The following CACNA2D3 variants were observed in gnomAD, a reference collection of about 807,000 sequenced individuals.
CACNA2D3 encodes the protein voltage-dependent calcium channel subunit alpha-2/delta-3.
Under a neutral mutation model 160.6 loss-of-function variants are expected in CACNA2D3, and 60 were observed. That is an observed-to-expected ratio of 0.37 (90% CI 0.30 to 0.46). The LOEUF (loss-of-function observed/expected upper bound fraction) is 0.46, where lower values mean the gene tolerates loss of function less well. Among genes scored for constraint, CACNA2D3 ranks in the 20% least tolerant of loss-of-function variants. The pLI, the probability that CACNA2D3 is intolerant of heterozygous loss-of-function variation, is 1.00. For missense variants in CACNA2D3, 1,205 were observed against 1,365.0 expected (o/e 0.88, Z 1.85); for synonymous variants, 558 against 492.9 (o/e 1.13, Z -1.75).
At chr3:54,425,848 T>C (rs1699904653) in intron 4 of CACNA2D3, among the ~76,000 whole-genome samples, 2 of 152,234 alleles carry the variant, frequency 1.3e-5, no homozygotes. Context: ...CTAAAGCTTT[T>C]GGAGGTCTGG....
At chr3:54,167,197 C>CA (rs1471157563) in intron 2 of CACNA2D3, among the ~76,000 whole-genome samples, 1 of 152,060 alleles carries the variant, frequency 6.6e-6, no homozygotes, top group African/African-American at 2.4e-5. Context: ...CTGTGTTCCC[C>CA]ACTAGGTCAT....
chr3:54,440,715 C>G (rs1700130934), intron 4 of CACNA2D3, among the ~76,000 whole-genome samples: 1 of 152,046 alleles, frequency 6.6e-6, no homozygotes, highest in Non-Finnish European at 1.5e-5. Flanking sequence ...CAATTCCCAC[C>G]TATGAGTGAG....
intron 17 of CACNA2D3, among the ~76,000 whole-genome samples, chr3:54,856,374 C>T (rs1488436387): frequency 6.6e-6 from 1 of 152,152 alleles, no homozygotes; most frequent in African/African-American, 2.4e-5. Flanking sequence ...TTGGGAGCAG[C>T]AGAAGGCCTT....
At chr3:55,031,003 T>TG (rs1366570315) in intron 35 of CACNA2D3, among the ~76,000 whole-genome samples, 1 of 152,158 alleles carries the variant, frequency 6.6e-6, no homozygotes, top group Non-Finnish European at 1.5e-5. Context: ...TCTTAATGTG[T>TG]GGGGAAGAGG....
chr3:54,277,947 T>C (rs1462310553), intron 2 of CACNA2D3, among the ~76,000 whole-genome samples: 1 of 152,004 alleles, frequency 6.6e-6, no homozygotes, highest in Non-Finnish European at 1.5e-5. Context: ...ATAGGAATGC[T>C]TAAAACACCA....
intron 17 of CACNA2D3, among the ~76,000 whole-genome samples, chr3:54,847,909 A>T (rs1278745920): frequency 4.6e-5 from 7 of 152,210 alleles, no homozygotes; most frequent in African/African-American, 7.2e-5. Context: ...TTTATTCCAA[A>T]TTGGAAAGGA....
At chr3:54,722,531 C>G (rs181155593) in intron 11 of CACNA2D3, among the ~76,000 whole-genome samples, 1 of 152,180 alleles carries the variant, frequency 6.6e-6, no homozygotes, top group Non-Finnish European at 1.5e-5. Flanking sequence ...GCTGGTTTCT[C>G]CCCATCTTTG....
chr3:54,699,107 G>A (rs540624003), intron 11 of CACNA2D3, among the ~76,000 whole-genome samples: 1 of 152,302 alleles, frequency 6.6e-6, no homozygotes, highest in East Asian at 1.9e-4. Flanking sequence ...GTCTTAAGAC[G>A]AAAATAAGAC....
intron 2 of CACNA2D3, among the ~76,000 whole-genome samples, chr3:54,319,982 A>G (rs182073596): frequency 9.6e-4 from 146 of 152,310 alleles, no homozygotes; most frequent in Middle Eastern, 3.4e-3. Context: ...CTGGCTTCAC[A>G]TAGACAACGC....
chr3:54,174,758 C>T (rs1700642892), intron 2 of CACNA2D3, among the ~76,000 whole-genome samples: 1 of 152,192 alleles, frequency 6.6e-6, no homozygotes, highest in Non-Finnish European at 1.5e-5. Flanking sequence ...ATCTCCTGAC[C>T]TTGTGATCCA....
intron 35 of CACNA2D3, among the ~76,000 whole-genome samples, chr3:55,021,647 G>GTATA (rs55811346): frequency 2.1e-5 from 3 of 140,960 alleles, no homozygotes; most frequent in Non-Finnish European, 3.0e-5. Context: ...ATATATATGT[G>GTATA]TATATATATA....
chr3:54,906,918 C>G (rs1700460358), intron 27 of CACNA2D3, among the ~76,000 whole-genome samples: 2 of 152,146 alleles, frequency 1.3e-5, no homozygotes, highest in South Asian at 4.2e-4. Context: ...ATTAGAGCAG[C>G]TGCTCTGCAT....
chr3:54,645,684 G>A (rs940511414), intron 11 of CACNA2D3, among the ~76,000 whole-genome samples: 5 of 152,136 alleles, frequency 3.3e-5, no homozygotes, highest in African/African-American at 9.7e-5. Flanking sequence ...AGGTTTGCCC[G>A]GAGCCTTCCC....
intron 4 of CACNA2D3, among the ~76,000 whole-genome samples, chr3:54,391,711 A>G (rs986790289): frequency 6.6e-6 from 1 of 152,026 alleles, no homozygotes; most frequent in Non-Finnish European, 1.5e-5. Flanking sequence ...GGGTTTCACC[A>G]TGTTGGTTAG....
intron 11 of CACNA2D3, among the ~76,000 whole-genome samples, chr3:54,735,604 G>A (rs1308052627): frequency 6.6e-6 from 1 of 152,082 alleles, no homozygotes; most frequent in East Asian, 1.9e-4. Flanking sequence ...ATGCCCATGA[G>A]CTCCTTTTAA....
chr3:55,073,485 A>ATGG lies in CACNA2D3; in HGVS notation c.3038_3040dup (p.Val1013dup). On this transcript the variant is annotated inframe_insertion, in exon 36 of 38. Transcript: ENST00000474759. ...GCAAATCCCAAGCAGCAACCTGTTC[A>ATGG]TGGTGGTGGTGGACAGCAGCTGCCT... is the stretch of plus-strand genomic sequence containing the variant. 6.2e-7 allele frequency: 1 copy of ATGG among 1,613,928 alleles called. No homozygotes were observed. The highest frequency in any genetic ancestry group is 8.5e-7 in the Non-Finnish European group (1 of 1,179,866).
At chr3:54,965,906 C>T (rs542464144) in intron 27 of CACNA2D3, among the ~76,000 whole-genome samples, 30 of 152,052 alleles carry the variant, frequency 2.0e-4, no homozygotes, top group Admixed American at 7.9e-4. Context: ...AGGACCAGGA[C>T]GAGGATGCAG....
chr3:54,220,145 A>G (rs1215966389), intron 2 of CACNA2D3, among the ~76,000 whole-genome samples: 2 of 152,282 alleles, frequency 1.3e-5, no homozygotes, highest in East Asian at 1.9e-4. Context: ...TTTTATGTCA[A>G]TAATTGGTTA....
At chr3:54,460,867 AATGCTTC>A in intron 4 of CACNA2D3, among the ~76,000 whole-genome samples, 1 of 152,258 alleles carries the variant, frequency 6.6e-6, no homozygotes, top group Non-Finnish European at 1.5e-5. Context: ...TTTCAAAGGG[AATGCTTC>A]CAGTTTTTGC....
Sources: allele counts gnomAD v4.1 joint callset (sites outside exome capture counted in the v4.1 genomes callset), GRCh38; gene constraint gnomAD v4.1.1; transcripts MANE v1.5; gene names NCBI Gene and HGNC (gene_info 2026-07-23, HGNC 2026-07-21).